COX15: variants seen among roughly 807,000 people sequenced by gnomAD.
The protein encoded by COX15 is heme A synthase COX15.
Under a neutral mutation model 51.9 loss-of-function variants are expected in COX15, and 51 were observed. The ratio of observed to expected loss-of-function variants is 0.98; its 90% CI spans 0.78 to 1.24. COX15 has a LOEUF of 1.24. COX15 is among the 50% of genes most tolerant of loss of function. The pLI is 0.00. For missense variants in COX15, 420 were observed against 501.1 expected (o/e 0.84, Z 1.55); for synonymous variants, 188 against 190.5 (o/e 0.99, Z 0.11).
At chr10:99,716,872 G>C (rs181547593) in intron 7 of COX15, among the ~76,000 whole-genome samples, 1 of 151,994 alleles carries the variant, frequency 6.6e-6, no homozygotes, top group African/African-American at 2.4e-5. Context: ...AGTGGAGAAA[G>C]TGCTGGTGCT....
At chr10:99,727,285 C>T in intron 3 of COX15, 131 bp from the exon 4 acceptor site, 1 of 1,431,570 alleles carries the variant, frequency 7.0e-7, no homozygotes, top group Non-Finnish European at 9.7e-7. Context: ...TCATCAACGA[C>T]CTCAGGATGA....
rs1176009509 is a variant in COX15 at position 99,724,038 on chromosome 10, A to T, written c.668T>A (p.Leu223His). The change falls in exon 5 of 9, where the codon CTT (leucine) becomes CAT (histidine). Residue 223 changes from leucine (L) to histidine (H), a missense_variant. Physicochemically the swap from Leu to His is moderately conservative, Grantham distance 99. Transcript: ENST00000016171. ...CAGGGCTGATCCCAGGTGGGCAGCA[A>T]GGCGGTACTGACTGACCCGAGGGAT... is the stretch of plus-strand genomic sequence containing the variant. ...HDIPRVSQYR[L>H]AAHLGSALVL... 1.2e-6 allele frequency: 2 copies of T among 1,614,160 alleles called. No individual in the cohort carries two copies.
chr10:99,713,316 ATC>A lies in COX15; in HGVS notation c.*1269_*1270del, dbSNP rs2036458949. On this transcript the variant is annotated 3_prime_UTR_variant, in exon 9 of 9. Transcript: ENST00000016171. The stretch of plus-strand genomic sequence containing the variant: ...TTTAAATGAGTATGTTACATTTCTA[ATC>A]TGTTTAATTTCATCTCGATGGGGTC... 6.3e-7 allele frequency: 1 copy of A among 1,595,514 alleles called. No homozygotes were observed. Among genetic ancestry groups the A allele is most frequent in the Non-Finnish European group, 8.6e-7 (1 of 1,167,372 alleles).
chr10:99,704,197 C>A, the COX15 span, among the ~76,000 whole-genome samples: 1 of 152,278 alleles, frequency 6.6e-6, no homozygotes, highest in East Asian at 1.9e-4. Context: ...ATTTCAAAGG[C>A]CTTCCCATCT....
chr10:99,696,169 G>T, the COX15 span: 1 of 1,594,042 alleles, frequency 6.3e-7, no homozygotes, highest in Admixed American at 1.7e-5. Flanking sequence ...ATGTCAGGCT[G>T]CAGATATTAG....
chr10:99,704,539 T>C, the COX15 span: 1 of 1,614,238 alleles, frequency 6.2e-7, no homozygotes, highest in Non-Finnish European at 8.5e-7. Context: ...TCTTTGCCTG[T>C]ATCCTGGTGG....
chr10:99,705,474 A>G, the COX15 span: 1 of 152,174 alleles, frequency 6.6e-6, no homozygotes. Context: ...GGATGGAGAA[A>G]CTGTGATGGG....
In COX15 at chr10:99,711,406, G is replaced by T. The variant is rs2133553807; in HGVS notation, c.*3181C>A. The T allele has an allele frequency of 1.0e-6, 1 of 985,382 alleles. No homozygotes were observed. Among genetic ancestry groups the T allele is most frequent in the East Asian group, 1.1e-4 (1 of 8,814 alleles). The allele number at this position is 985,382 out of a possible 1,614,324, so 61.0% of individuals were successfully genotyped here. A position where few individuals can be genotyped will look rare whatever the true frequency, so the allele number is the denominator to read the frequency against. On this transcript the variant is annotated 3_prime_UTR_variant, in exon 9 of 9. Transcript: ENST00000016171. ...GTGGGAACCTGCCTCAGGAACTACA[G>T]TTCCCTTTCTTTGAAGGATTCTATC...
intron 5 of COX15, among the ~76,000 whole-genome samples, chr10:99,721,898 T>C (rs1382057400): frequency 6.6e-6 from 1 of 152,130 alleles, no homozygotes; most frequent in East Asian, 1.9e-4. Flanking sequence ...TTTTCTCACT[T>C]TGTCGCCCAG....
chr10:99,718,251 T>C, intron 7 of COX15, 95 bp downstream of exon 7: 2 of 1,349,976 alleles, frequency 1.5e-6, no homozygotes, highest in Non-Finnish European at 2.1e-6. Flanking sequence ...GTTCCTGCTC[T>C]ACCCTCTCAG....
At chr10:99,728,903 T>C (rs183876778) in intron 2 of COX15, among the ~76,000 whole-genome samples, 2 of 152,302 alleles carry the variant, frequency 1.3e-5, no homozygotes, top group East Asian at 1.9e-4. Context: ...CATGAACCAA[T>C]TGTGATGTAC....
the COX15 span, chr10:99,698,883 C>T: frequency 1.9e-6 from 3 of 1,561,590 alleles, no homozygotes; most frequent in South Asian, 1.2e-5. Flanking sequence ...ATAAACATGG[C>T]TTATGCTGGC....
At chr10:99,709,355 T>G (rs1395948942), downstream of COX15, 1 of 985,288 alleles carries the variant, frequency 1.0e-6, no homozygotes, top group Non-Finnish European at 1.2e-6. Flanking sequence ...GAATAAGAAT[T>G]ATGGTAGAAA....
Position 99,713,113 on chromosome 10 carries a change from G to A in COX15, c.*1474C>T, listed in dbSNP as rs886046608. On this transcript the variant is annotated 3_prime_UTR_variant, in exon 9 of 9. Transcript: ENST00000016171. Reference sequence around the variant, plus strand: ...GTATGTTAGGGGTATTTTGACTATGGCTGTGACACTTCTACTGATAAAACC... The same window carrying A: ...GTATGTTAGGGGTATTTTGACTATGACTGTGACACTTCTACTGATAAAACC... 4.8e-6 allele frequency: 6 copies of A among 1,261,848 alleles called. No homozygotes were observed. Among genetic ancestry groups the A allele is most frequent in the Non-Finnish European group, 6.0e-6 (6 of 993,402 alleles). 78.2% of individuals were successfully genotyped at this position (1,261,848 alleles called of 1,614,324 possible). A position where few individuals can be genotyped will look rare whatever the true frequency, so the allele number is the denominator to read the frequency against.
chr10:99,720,172 T>C (rs1009646514), intron 6 of COX15, among the ~76,000 whole-genome samples: 2 of 152,136 alleles, frequency 1.3e-5, no homozygotes, highest in Non-Finnish European at 2.9e-5. Flanking sequence ...CGGCCAGGCA[T>C]GGTAGCTCAT....
At chr10:99,703,917 G>C in the COX15 span, among the ~76,000 whole-genome samples, 2 of 152,074 alleles carry the variant, frequency 1.3e-5, no homozygotes, top group East Asian at 3.9e-4. Context: ...GCAGAGATGG[G>C]GTCTTGTTAT....
chr10:99,727,146 T>A lies in COX15; in HGVS notation c.404A>T (p.His135Leu), dbSNP rs144306252. Residue 135 changes from histidine (H) to leucine (L), a missense_variant, in exon 4 of 9, where the codon CAT (histidine) becomes CTT (leucine). Physicochemically the swap from His to Leu is moderately conservative, Grantham distance 99 (BLOSUM62 -3). Transcript: ENST00000016171. The stretch of plus-strand genomic sequence containing the variant: ...CTTGAATTCTGTCAGTGTCATATCA[T>A]GATTCAAGCTGGGTGAAATGGAAAG... ...QQFPEFKILN[H>L]DMTLTEFKFI... 1 of 1,614,158 alleles carries A rather than the reference T, an allele frequency of 6.2e-7. No homozygotes were observed. The highest frequency in any genetic ancestry group is 8.5e-7 in the Non-Finnish European group (1 of 1,180,002).
At chr10:99,728,721 T>C (rs1022628503) in intron 2 of COX15, among the ~76,000 whole-genome samples, 2 of 152,150 alleles carry the variant, frequency 1.3e-5, no homozygotes, top group African/African-American at 4.8e-5. Flanking sequence ...TCACAGGAAA[T>C]AGACGGGACA....
At chr10:99,722,990 G>T (rs965626890) in intron 5 of COX15, 2 of 152,134 alleles carry the variant, frequency 1.3e-5, no homozygotes, top group African/African-American at 4.8e-5. Context: ...GGGAATGACT[G>T]CCAAGACAAC....
Sources: allele counts gnomAD v4.1 joint callset (sites outside exome capture counted in the v4.1 genomes callset), GRCh38; gene constraint gnomAD v4.1.1; transcripts MANE v1.5; gene names NCBI Gene and HGNC (gene_info 2026-07-23, HGNC 2026-07-21).